DPRX: variants seen among roughly 807,000 people sequenced by gnomAD.
The protein encoded by DPRX is divergent paired-related homeobox.
Under a neutral mutation model 8.4 loss-of-function variants are expected in DPRX, and 11 were observed. The ratio of observed to expected loss-of-function variants is 1.31; its 90% confidence interval spans 0.82 to 2.17. The LOEUF (loss-of-function observed/expected upper bound fraction) is 2.17. Ranked by LOEUF, DPRX falls within the 30% of genes most tolerant of loss-of-function variation. The pLI is 0.00. For synonymous variants in DPRX, 72 were observed against 87.0 expected (o/e 0.83, Z 0.96); for missense variants, 211 against 236.7 (o/e 0.89, Z 0.71).
At chr19:53,623,457 G>A in the DPRX span, among the ~76,000 whole-genome samples, 10 of 151,420 alleles carry the variant, frequency 6.6e-5, no homozygotes, top group East Asian at 1.6e-3. Flanking sequence ...TGACCAACAT[G>A]GAGAAACCCT....
upstream of DPRX, among the ~76,000 whole-genome samples, chr19:53,630,819 G>A (rs2091089773): frequency 6.6e-6 from 1 of 151,818 alleles, no homozygotes; most frequent in African/African-American, 2.4e-5. Context: ...CATGGTGTGA[G>A]CCTGGGCATC....
chr19:53,604,315 G>A, the DPRX span: 1 of 152,650 alleles, frequency 6.6e-6, no homozygotes, highest in South Asian at 2.1e-4. Context: ...ACTCCTGTAT[G>A]TGTAGCAATG....
the DPRX span, chr19:53,606,016 A>T: frequency 6.6e-6 from 1 of 151,814 alleles, no homozygotes; most frequent in East Asian, 1.9e-4. The surrounding 1 kb of genome is among the most constrained non-coding windows in gnomAD (Gnocchi z 4.8). Context: ...GTAATAGCCA[A>T]CTTTTTAAAA....
the DPRX span, among the ~76,000 whole-genome samples, chr19:53,619,777 C>A: frequency 6.7e-6 from 1 of 150,186 alleles, no homozygotes; most frequent in South Asian, 2.1e-4. Context: ...ATTGCTTGAA[C>A]CTGGGAGGTG....
chr19:53,632,033 T>C (rs1240031727), upstream of DPRX: 1 of 1,603,194 alleles, frequency 6.2e-7, no homozygotes, highest in African/African-American at 1.3e-5. Flanking sequence ...TGGAGGAAGC[T>C]ACTTAAATCC....
At chr19:53,619,042 T>C in the DPRX span, among the ~76,000 whole-genome samples, 3 of 152,118 alleles carry the variant, frequency 2.0e-5, no homozygotes, top group African/African-American at 7.2e-5. Flanking sequence ...CCTTTCATTT[T>C]CATGTCCTTT....
chr19:53,630,545 T>G (rs1366372627), upstream of DPRX, among the ~76,000 whole-genome samples: 1 of 151,798 alleles, frequency 6.6e-6, no homozygotes, highest in Non-Finnish European at 1.5e-5. Context: ...GCCTTTGTAG[T>G]CACAGCTACT....
chr19:53,614,012 C>A, the DPRX span, among the ~76,000 whole-genome samples: 1 of 151,406 alleles, frequency 6.6e-6, no homozygotes. Flanking sequence ...AGTGCAGTGG[C>A]CTGATCTCGG....
the DPRX span, among the ~76,000 whole-genome samples, chr19:53,621,059 A>G: frequency 9.3e-4 from 141 of 152,298 alleles, 1 homozygote; most frequent in African/African-American, 3.3e-3. Context: ...AGAGGTGTAC[A>G]AGAGAGTATG....
At chr19:53,615,112 C>G in the DPRX span, among the ~76,000 whole-genome samples, 1 of 151,762 alleles carries the variant, frequency 6.6e-6, no homozygotes, top group African/African-American at 2.4e-5. Flanking sequence ...GTGCTTCAGC[C>G]TCTCAATGCC....
the DPRX span, among the ~76,000 whole-genome samples, chr19:53,625,872 A>G: frequency 2.0e-5 from 3 of 152,028 alleles, no homozygotes; most frequent in African/African-American, 7.2e-5. Context: ...TCCTGACCTC[A>G]GGTGATCTGC....
At chr19:53,608,953 CAA>C in the DPRX span, among the ~76,000 whole-genome samples, 989 of 76,776 alleles carry the variant, frequency 0.013, 6 homozygotes, top group African/African-American at 0.036. Context: ...GAGACTCCGT[CAA>C]AAAAAAAAAA....
chr19:53,632,655 G>A (rs2091097621), intron 1 of DPRX, among the ~76,000 whole-genome samples: 1 of 151,782 alleles, frequency 6.6e-6, no homozygotes. Context: ...TGTTAGCTAG[G>A]TTGGTCTCAA....
chr19:53,616,741 C>T, the DPRX span: 95 of 1,368,334 alleles, frequency 6.9e-5, no homozygotes, highest in East Asian at 1.2e-3. Context: ...GCAACAAGAG[C>T]GAAACTCTGT....
chr19:53,631,822 G>T (rs984133944), upstream of DPRX, among the ~76,000 whole-genome samples: 1 of 152,086 alleles, frequency 6.6e-6, no homozygotes, highest in Non-Finnish European at 1.5e-5. Context: ...AGTGGGCCAG[G>T]ATTCTGCATT....
the DPRX span, among the ~76,000 whole-genome samples, chr19:53,603,023 A>ATG: frequency 0.18 from 19,857 of 112,500 alleles, 1,422 homozygotes; most frequent in South Asian, 0.23. Flanking sequence ...GTGTGTATAT[A>ATG]TGTGTGTGTG....
At chr19:53,617,089 A>G in the DPRX span, 2 of 1,286,514 alleles carry the variant, frequency 1.6e-6, no homozygotes, top group Non-Finnish European at 2.3e-6. Context: ...TCCTGTTTAC[A>G]ATGGGAGGTT....
chr19:53,601,430 C>T, the DPRX span: 1 of 450,854 alleles, frequency 2.2e-6, no homozygotes, highest in Admixed American at 2.4e-5. Flanking sequence ...GACCCTTATT[C>T]CAAGGGGTGG....
chr19:53,617,126 A>AATGC, the DPRX span: 2 of 1,232,204 alleles, frequency 1.6e-6, no homozygotes, highest in Non-Finnish European at 2.4e-6. Context: ...GGACCGATCG[A>AATGC]ATGCACCAAA....
Sources: gnomAD v4.1 joint callset for allele counts (sites outside exome capture counted in the v4.1 genomes callset) on GRCh38, gnomAD v4.1.1 for gene constraint, Gnocchi (gnomAD v3.1) non-coding constraint, MANE v1.5 for transcripts, NCBI Gene and HGNC (gene_info 2026-07-23, HGNC 2026-07-21) for gene names.